PCBD2: variants seen among roughly 807,000 people sequenced by gnomAD.
PCBD2 encodes pterin-4 alpha-carbinolamine dehydratase 2.
Under a neutral mutation model 16.4 loss-of-function variants are expected in PCBD2, and 12 were observed. The ratio of observed to expected loss-of-function variants is 0.73; its 90% CI spans 0.47 to 1.19. PCBD2 has a LOEUF of 1.19. Among genes scored for constraint, PCBD2 ranks in the 50% most tolerant of loss-of-function variants. The probability of loss-of-function intolerance (pLI) is 0.00; values close to 1 mark genes in which losing one functional copy is unlikely to be tolerated. For synonymous variants in PCBD2, 58 were observed against 61.8 expected, an observed-to-expected ratio of 0.94 and a Z score of 0.29; for missense variants, 138 against 156.8, an observed-to-expected ratio of 0.88 and a Z score of 0.64.
At chr5:134,948,544 A>T (rs2149539193) in intron 2 of PCBD2, among the ~76,000 whole-genome samples, 1 of 152,286 alleles carries the variant, frequency 6.6e-6, no homozygotes, top group African/African-American at 2.4e-5. Flanking sequence ...ATTCAGTAGA[A>T]ATTTACTGAT....
chr5:134,946,275 T>C (rs374245682), intron 2 of PCBD2, among the ~76,000 whole-genome samples: 4 of 152,216 alleles, frequency 2.6e-5, no homozygotes, highest in Admixed American at 1.3e-4. Flanking sequence ...TTCTCACAGG[T>C]TCAGGGACTA....
intron 2 of PCBD2, among the ~76,000 whole-genome samples, chr5:134,935,937 G>C (rs1751154563): frequency 6.6e-6 from 1 of 152,164 alleles, no homozygotes; most frequent in African/African-American, 2.4e-5. Context: ...TGATCTTTCT[G>C]GAGGGAAGTT....
intron 2 of PCBD2, among the ~76,000 whole-genome samples, chr5:134,918,578 C>G (rs1239807045): frequency 6.6e-6 from 1 of 152,140 alleles, no homozygotes; most frequent in African/African-American, 2.4e-5. Flanking sequence ...GTGTCTGGCA[C>G]CAGGTAAAGT....
intron 1 of PCBD2, among the ~76,000 whole-genome samples, chr5:134,909,563 G>A (rs1365086461): frequency 9.2e-5 from 14 of 152,232 alleles, no homozygotes; most frequent in South Asian, 4.1e-4. Flanking sequence ...TGCCTCAAAC[G>A]TCACAGTTCA....
chr5:134,909,396 C>T (rs181289451), intron 1 of PCBD2, among the ~76,000 whole-genome samples: 10 of 152,314 alleles, frequency 6.6e-5, no homozygotes, highest in South Asian at 2.1e-4. Flanking sequence ...TTTCCCCATC[C>T]GGGGATTGGT....
intron 2 of PCBD2, among the ~76,000 whole-genome samples, chr5:134,934,286 T>G (rs926571478): frequency 3.3e-5 from 5 of 152,180 alleles, no homozygotes; most frequent in African/African-American, 1.2e-4. Flanking sequence ...AAAAAAAAAT[T>G]TCACTTGGTG....
intron 2 of PCBD2, among the ~76,000 whole-genome samples, chr5:134,958,558 T>G (rs1751438932): frequency 6.6e-6 from 1 of 152,212 alleles, no homozygotes; most frequent in Non-Finnish European, 1.5e-5. Flanking sequence ...AGTTGTTCAT[T>G]TCTGCTGGTG....
chr5:134,933,382 TG>T (rs1460482381), intron 2 of PCBD2, among the ~76,000 whole-genome samples: 1 of 152,086 alleles, frequency 6.6e-6, no homozygotes, highest in Non-Finnish European at 1.5e-5. Flanking sequence ...ACTACAGGCA[TG>T]CGCCACCACA....
At chr5:134,939,233 C>G (rs1234274195) in intron 2 of PCBD2, among the ~76,000 whole-genome samples, 1 of 152,046 alleles carries the variant, frequency 6.6e-6, no homozygotes, top group Non-Finnish European at 1.5e-5. Flanking sequence ...CAGTACCGTC[C>G]TGTCTTCTTA....
intron 2 of PCBD2, chr5:134,927,997 G>C: frequency 2.5e-6 from 1 of 396,314 alleles, no homozygotes; most frequent in Non-Finnish European, 4.5e-6. Flanking sequence ...AGTCATGTCA[G>C]TGGTAGTAAT....
At chr5:134,927,129 A>T (rs1751015651) in intron 2 of PCBD2, 1 of 398,368 alleles carries the variant, frequency 2.5e-6, no homozygotes, top group South Asian at 1.3e-4. Flanking sequence ...GGGGGTTTGG[A>T]TGAGGATGGC....
chr5:134,925,025 G>T (rs188282196), intron 2 of PCBD2: 23 of 394,208 alleles, frequency 5.8e-5, no homozygotes, highest in African/African-American at 8.3e-5. Context: ...ATTGTCATTT[G>T]GGGGGTGGAT....
At chr5:134,958,173 G>T (rs1348720273) in intron 2 of PCBD2, among the ~76,000 whole-genome samples, 1 of 152,188 alleles carries the variant, frequency 6.6e-6, no homozygotes, top group Admixed American at 6.5e-5. Flanking sequence ...AAGTATTTGT[G>T]CATTCTGGAA....
At chr5:134,941,540 G>A (rs918640639) in intron 2 of PCBD2, among the ~76,000 whole-genome samples, 1 of 152,034 alleles carries the variant, frequency 6.6e-6, no homozygotes, top group Non-Finnish European at 1.5e-5. Flanking sequence ...AGATATATTT[G>A]GTATACATGT....
chr5:134,910,394 A>G lies in PCBD2; in HGVS notation c.144A>G (p.Lys48=). The G allele has an allele frequency of 6.2e-7, 1 of 1,614,112 alleles. No homozygotes were observed. Among genetic ancestry groups the G allele is most frequent in the Non-Finnish European group, 8.5e-7 (1 of 1,179,912 alleles). The change falls in exon 2 of 4, where the codon AAA becomes AAG. Residue 48 remains lysine (K), a synonymous_variant. Coordinates refer to ENST00000254908, the MANE Select transcript of PCBD2 (RefSeq NM_032151.5). ...EERNQAILDL[K]AAGWSELSER... ...GGAACCAAGCTATACTTGACCTTAAAGCAGCAGGATGGTCGGAATTAAGTG... is the reference window on the plus strand; with the variant it reads ...GGAACCAAGCTATACTTGACCTTAAGGCAGCAGGATGGTCGGAATTAAGTG...
Position 134,910,370 on chromosome 5 carries a change from G to A in PCBD2, c.120G>A (p.Arg40=), listed in dbSNP as rs777765951. 8 of 1,614,058 alleles carry A rather than the reference G, an allele frequency of 5.0e-6. No individual in the cohort carries two copies. In the Admixed American group the frequency reaches 8.3e-5, roughly 17 times the overall value. The change falls in exon 2 of 4, where the codon AGG becomes AGA. Residue 40 remains arginine, a synonymous_variant. Transcript: ENST00000254908. ...CTCACAGGTTGACTGCAGAGGAGAG[G>A]AACCAAGCTATACTTGACCTTAAAG... ...SGTHRLTAEE[R]NQAILDLKAA...
chr5:134,909,554 G>T (rs1750739707), intron 1 of PCBD2, among the ~76,000 whole-genome samples: 1 of 152,190 alleles, frequency 6.6e-6, no homozygotes, highest in East Asian at 1.9e-4. Flanking sequence ...CCTTACTGCT[G>T]CCTCAAACGT....
intron 2 of PCBD2, among the ~76,000 whole-genome samples, chr5:134,946,400 C>T (rs956663110): frequency 1.3e-5 from 2 of 152,142 alleles, no homozygotes; most frequent in Admixed American, 6.5e-5. Flanking sequence ...CTCTGGCAGG[C>T]TTTTTTCTTC....
intron 2 of PCBD2, among the ~76,000 whole-genome samples, chr5:134,916,002 T>G (rs1157321007): frequency 1.3e-5 from 2 of 151,986 alleles, no homozygotes; most frequent in Non-Finnish European, 2.9e-5. Flanking sequence ...GGAAAAAAAT[T>G]TGGGGGCCAG....
Sources: allele counts gnomAD v4.1 joint callset (sites outside exome capture counted in the v4.1 genomes callset), GRCh38; gene constraint gnomAD v4.1.1; transcripts MANE v1.5; gene names NCBI Gene and HGNC (gene_info 2026-07-23, HGNC 2026-07-21).